TRIM10: variants seen among roughly 807,000 people sequenced by gnomAD.
TRIM10 encodes the protein tripartite motif containing 10.
A neutral mutation model predicts 40.0 loss-of-function variants in TRIM10; 42 were observed. The ratio of observed to expected loss-of-function variants is 1.05; its 90% confidence interval spans 0.82 to 1.36. TRIM10 has a LOEUF of 1.36. Ranked by LOEUF, TRIM10 falls within the 40% of genes most tolerant of loss-of-function variation. TRIM10 has a pLI of 0.00. For missense variants in TRIM10, 601 were observed against 608.3 expected (o/e 0.99, Z 0.13); for synonymous variants, 260 against 239.5 (o/e 1.09, Z -0.79).
intron 2 of TRIM10, among the ~76,000 whole-genome samples, chr6:30,158,917 A>G (rs1243094233): frequency 6.6e-6 from 1 of 152,224 alleles, no homozygotes; most frequent in African/African-American, 2.4e-5. Flanking sequence ...CTTTACAGTC[A>G]CAATCTCATT....
chr6:30,158,525 C>T lies in TRIM10; in HGVS notation c.630G>A (p.Gln210=), dbSNP rs1223440406. ...QSILLAQLES[Q]DGDILRQRDE... is the part of the protein sequence containing the mutation. ...CCCGTTGCCTCAAGATGTCCCCATC[C>T]TGGCTCTCCAATTGTGCTAAGAGGA... Residue 210 remains glutamine, a synonymous_variant, in exon 3 of 7, where the codon CAG becomes CAA. Transcript: ENST00000449742. 1 of 1,613,012 alleles carries T rather than the reference C, an allele frequency of 6.2e-7. No homozygotes were observed. The highest frequency in any genetic ancestry group is 1.3e-5 in the African/African-American group (1 of 74,926).
Position 30,161,009 on chromosome 6 carries a change from T to G in TRIM10, c.-151A>C, listed in dbSNP as rs1463639762. 1.3e-6 allele frequency: 1 copy of G among 748,260 alleles called. No individual in the cohort carries two copies. The highest frequency in any genetic ancestry group is 1.8e-5 in the African/African-American group (1 of 56,514). 46.4% of individuals were successfully genotyped at this position (748,260 alleles called of 1,614,324 possible). On this transcript the variant is annotated 5_prime_UTR_variant, in exon 1 of 7. Transcript: ENST00000449742. Reference sequence around the variant, plus strand: ...ACCAGCACCCATATCGTCACACACTTGCATCTCTGGCAGCCAGGGTTCTAT... The same window carrying G: ...ACCAGCACCCATATCGTCACACACTGGCATCTCTGGCAGCCAGGGTTCTAT...
At chr6:30,155,605 T>C in intron 6 of TRIM10, 122 bp downstream of exon 6, 1 of 768,506 alleles carries the variant, frequency 1.3e-6, no homozygotes, top group Non-Finnish European at 2.2e-6. Flanking sequence ...TGTATATGTA[T>C]CCATGGGTGT....
At chr6:30,161,271 CT>C (rs1215860506), upstream of TRIM10, among the ~76,000 whole-genome samples, 1 of 152,148 alleles carries the variant, frequency 6.6e-6, no homozygotes, top group Non-Finnish European at 1.5e-5. Context: ...CCATTCCAGC[CT>C]TTCTGCCATA....
intron 5 of TRIM10, among the ~76,000 whole-genome samples, chr6:30,156,155 A>G (rs1772512383): frequency 6.6e-6 from 1 of 152,206 alleles, no homozygotes. Context: ...AAATGGGTTC[A>G]TTTATTTATT....
rs1398947253 is a variant in TRIM10, at chr6:30,160,682, G to C, written c.177C>G (p.Leu59=). 11 of 1,614,248 alleles carry C rather than the reference G, an allele frequency of 6.8e-6. No homozygotes were observed. Among genetic ancestry groups the C allele is most frequent in the Non-Finnish European group, 9.3e-6 (11 of 1,180,050 alleles). The change falls in exon 1 of 7, where the codon CTC becomes CTG. Residue 59 remains leucine (L), a synonymous_variant. Transcript: ENST00000449742. ...PDLEESPTCP[L]CKEPFRPGSF... is the part of the protein sequence containing the mutation. ...TCCCAGGACGGAAGGGTTCTTTGCAGAGTGGGCAAGTAGGGGACTCCTCCA... is the reference window on the plus strand; with the variant it reads ...TCCCAGGACGGAAGGGTTCTTTGCACAGTGGGCAAGTAGGGGACTCCTCCA...
At chr6:30,154,748 T>C (rs1212672590) in intron 6 of TRIM10, 1 of 695,294 alleles carries the variant, frequency 1.4e-6, no homozygotes, top group Non-Finnish European at 2.6e-6. Context: ...AAAGCTCTCG[T>C]TTAGTTCAGT....
intron 2 of TRIM10, 71 bp from the exon 3 acceptor site, chr6:30,158,700 T>C: frequency 8.2e-7 from 1 of 1,212,666 alleles, no homozygotes; most frequent in Non-Finnish European, 1.2e-6. Context: ...CTTCCTCCCC[T>C]GTCCCCAGGT....
chr6:30,153,609 GC>G lies in TRIM10; in HGVS notation c.*359del. 8.6e-7 allele frequency: 1 copy of G among 1,165,528 alleles called. No individual in the cohort carries two copies. The highest frequency in any genetic ancestry group is 1.3e-6 in the Non-Finnish European group (1 of 795,918). The allele number at this position is 1,165,528 out of a possible 1,614,324, so 72.2% of individuals were successfully genotyped here. A position where few individuals can be genotyped will look rare whatever the true frequency, so the allele number is the denominator to read the frequency against. Reference sequence around the variant, plus strand: ...AAAACAAGATGAAAAGAGGTGAGATGCCTTGTTTAAAGTCATACAACTGGTT... The same window carrying G: ...AAAACAAGATGAAAAGAGGTGAGATGCTTGTTTAAAGTCATACAACTGGTT... On this transcript the variant is annotated 3_prime_UTR_variant, in exon 7 of 7. Coordinates refer to ENST00000449742, the MANE Select transcript of TRIM10 (RefSeq NM_006778.4).
In TRIM10 at chr6:30,155,816, C is replaced by T. The variant is rs1772480966; in HGVS notation, c.896-57G>A. Reference sequence around the variant, plus strand: ...ATTAGTCTTACAAAACCATCAGACACTTAATGATGAGAAAACTGAGGCCAA... The same window carrying T: ...ATTAGTCTTACAAAACCATCAGACATTTAATGATGAGAAAACTGAGGCCAA... On this transcript the variant is annotated intron_variant, in intron 5 of 6. Transcript: ENST00000449742. 3 of 1,553,022 alleles carry T rather than the reference C, an allele frequency of 1.9e-6. No homozygotes were observed. The Admixed American group carries it at 5.1e-5, about 26-fold the overall frequency.
Position 30,158,558 on chromosome 6 carries a change from C to G in TRIM10, c.597G>C (p.Gln199His), listed in dbSNP as rs538896069. ...CCAATTGTGCTAAGAGGATGCTCTG[C>G]TGTTCCTCTAGAAACTTCCTCAGGT... ...FAHLRKFLEE[Q>H]QSILLAQLES... Residue 199 changes from glutamine (Q) to histidine (H), a missense_variant, in exon 3 of 7, where the codon CAG becomes CAC. Gln to His is a conservative substitution (Grantham distance 24). Coordinates refer to ENST00000449742, the MANE Select transcript of TRIM10 (RefSeq NM_006778.4). The G allele has an allele frequency of 6.2e-7, 1 of 1,612,984 alleles. No homozygotes were observed. The highest frequency in any genetic ancestry group is 1.3e-5 in the African/African-American group (1 of 74,926).
chr6:30,154,746 C>T, intron 6 of TRIM10: 1 of 696,328 alleles, frequency 1.4e-6, no homozygotes, highest in African/African-American at 1.7e-5. Flanking sequence ...TGAAAGCTCT[C>T]GTTTAGTTCA....
At chr6:30,156,900 T>C (rs1375208051) in intron 5 of TRIM10, 39 bp downstream of exon 5, 5 of 1,586,520 alleles carry the variant, frequency 3.2e-6, no homozygotes, top group Non-Finnish European at 4.3e-6. Context: ...CCAGGCTTCA[T>C]GGCCACCTGC....
At chr6:30,160,397 C>T (rs1772958637) in intron 1 of TRIM10, 33 bp downstream of exon 1, 3 of 1,596,716 alleles carry the variant, frequency 1.9e-6, no homozygotes, top group East Asian at 4.5e-5. Flanking sequence ...CCAGTCCAGT[C>T]CACCCTGGGA....
In TRIM10 at chr6:30,153,775, G is replaced by T; in HGVS notation, c.*194C>A. On this transcript the variant is annotated 3_prime_UTR_variant, in exon 7 of 7. Coordinates refer to ENST00000449742, the MANE Select transcript of TRIM10 (RefSeq NM_006778.4). Reference sequence around the variant, plus strand: ...CCCCAGGTACCCTGGCCATCCACTGGGCATTGGGGAAAGGACTTGATCAGT... The same window carrying T: ...CCCCAGGTACCCTGGCCATCCACTGTGCATTGGGGAAAGGACTTGATCAGT... The T allele has an allele frequency of 1.2e-6, 2 of 1,613,048 alleles. No homozygotes were observed. Among genetic ancestry groups the T allele is most frequent in the Non-Finnish European group, 1.7e-6 (2 of 1,180,034 alleles).
chr6:30,162,275 CAAAAAAA>C (rs112405006), upstream of TRIM10, among the ~76,000 whole-genome samples: 8 of 65,262 alleles, frequency 1.2e-4, no homozygotes, highest in Non-Finnish European at 2.7e-4. Flanking sequence ...GACTCCATTT[CAAAAAAA>C]AAAAAAAAGA....
At chr6:30,159,846 G>C (rs1011286930) in intron 1 of TRIM10, among the ~76,000 whole-genome samples, 2 of 152,130 alleles carry the variant, frequency 1.3e-5, no homozygotes, top group African/African-American at 4.8e-5. Context: ...AACTAATTAA[G>C]ACATCCACAC....
chr6:30,162,840 G>A (rs186290140), upstream of TRIM10, among the ~76,000 whole-genome samples: 371 of 152,120 alleles, frequency 2.4e-3, 1 homozygote, highest in Admixed American at 3.8e-3. Flanking sequence ...GATAAATGTG[G>A]TTGAAACTGA....
upstream of TRIM10, among the ~76,000 whole-genome samples, chr6:30,161,603 G>T (rs1053366056): frequency 2.0e-5 from 3 of 152,180 alleles, no homozygotes; most frequent in African/African-American, 7.2e-5. Flanking sequence ...CAATTTAAAA[G>T]TATGATCTTA....
Sources: gnomAD v4.1 joint callset for allele counts (sites outside exome capture counted in the v4.1 genomes callset) on GRCh38, gnomAD v4.1.1 for gene constraint, MANE v1.5 for transcripts, NCBI Gene and HGNC (gene_info 2026-07-23, HGNC 2026-07-21) for gene names.